The following TAFA5 variants were observed in gnomAD, a reference collection of about 807,000 sequenced individuals.
TAFA5 encodes the protein TAFA chemokine like family member 5.
A neutral mutation model predicts 15.3 loss-of-function variants in TAFA5; 6 were observed. That is an observed-to-expected ratio of 0.39 (90% CI 0.21 to 0.77). The LOEUF (loss-of-function observed/expected upper bound fraction) is 0.77. TAFA5 is among the 30% of genes least tolerant of loss of function. The pLI, the probability that TAFA5 is intolerant of heterozygous loss-of-function variation, is 0.41. For missense variants in TAFA5, 161 were observed against 193.1 expected (o/e 0.83, Z 0.98); for synonymous variants, 103 against 80.7 (o/e 1.28, Z -1.48).
chr22:48,603,074 C>T (rs1305572991), intron 1 of TAFA5, among the ~76,000 whole-genome samples: 1 of 152,196 alleles, frequency 6.6e-6, no homozygotes, highest in African/African-American at 2.4e-5. Flanking sequence ...GAGAAAGCTA[C>T]ACAGCCATCA....
intron 2 of TAFA5, 107 bp downstream of exon 2, chr22:48,646,853 C>T (rs1026273876): frequency 6.0e-5 from 82 of 1,361,216 alleles, no homozygotes; most frequent in Non-Finnish European, 7.5e-5. Context: ...TAGGCCTCAG[C>T]GCATCCTCGG....
intron 1 of TAFA5, among the ~76,000 whole-genome samples, chr22:48,580,656 G>A (rs1411786484): frequency 2.0e-5 from 3 of 152,202 alleles, no homozygotes; most frequent in Non-Finnish European, 2.9e-5. Context: ...CTCACTGCAC[G>A]CGGTGTGTGT....
At chr22:48,570,372 T>C (rs1320974808) in intron 1 of TAFA5, among the ~76,000 whole-genome samples, 1 of 152,232 alleles carries the variant, frequency 6.6e-6, no homozygotes, top group Admixed American at 6.5e-5. Flanking sequence ...TCGCAGAATA[T>C]ACATGACGCA....
chr22:48,623,713 G>C (rs1316192679), intron 1 of TAFA5, among the ~76,000 whole-genome samples: 1 of 152,244 alleles, frequency 6.6e-6, no homozygotes, highest in African/African-American at 2.4e-5. Flanking sequence ...ACGGCGGCCC[G>C]AGGCCTCTGC....
chr22:48,688,201 G>A (rs149918274), intron 2 of TAFA5, among the ~76,000 whole-genome samples: 37 of 152,048 alleles, frequency 2.4e-4, no homozygotes, highest in East Asian at 7.7e-4. Context: ...ATTCTTGAGC[G>A]TGATGGGGAC....
intron 1 of TAFA5, among the ~76,000 whole-genome samples, chr22:48,499,056 C>T (rs1314277392): frequency 6.6e-6 from 1 of 152,200 alleles, no homozygotes; most frequent in African/African-American, 2.4e-5. Flanking sequence ...AGGCTCAGTG[C>T]AGCCCCTCCC....
At chr22:48,506,312 T>G (rs757388871) in intron 1 of TAFA5, among the ~76,000 whole-genome samples, 6 of 152,200 alleles carry the variant, frequency 3.9e-5, no homozygotes, top group Non-Finnish European at 7.3e-5. Flanking sequence ...GCCGGGAACA[T>G]GGGGTCCAGA....
At chr22:48,491,035 T>C (rs1279564501) in intron 1 of TAFA5, among the ~76,000 whole-genome samples, 1 of 152,142 alleles carries the variant, frequency 6.6e-6, no homozygotes, top group Non-Finnish European at 1.5e-5. Context: ...GTTATGCATT[T>C]CCCTAGAAAT....
chr22:48,553,551 A>G (rs1446320397), intron 1 of TAFA5, among the ~76,000 whole-genome samples: 2 of 152,098 alleles, frequency 1.3e-5, no homozygotes, highest in African/African-American at 2.4e-5. Flanking sequence ...CGTCCCAGGG[A>G]TGAGTCCTGG....
chr22:48,750,616 A>C lies in TAFA5; in HGVS notation c.*769A>C, dbSNP rs889099223. 1.3e-5 allele frequency: 2 copies of C among 152,726 alleles called. No individual in the cohort carries two copies. The highest frequency in any genetic ancestry group is 4.8e-5 in the African/African-American group (2 of 41,464). The allele number at this position is 152,726 out of a possible 1,614,324, so 9.5% of individuals were successfully genotyped here. A position where few individuals can be genotyped will look rare whatever the true frequency, so the allele number is the denominator to read the frequency against. On this transcript the variant is annotated 3_prime_UTR_variant, in exon 4 of 4. Transcript: ENST00000402357. The stretch of plus-strand genomic sequence containing the variant: ...TCTGTACTTAGATCAACTTGACCGT[A>C]CTAAAATCCCTTTCTGTTTTAACCA...
chr22:48,698,587 T>G (rs184764030), intron 2 of TAFA5, among the ~76,000 whole-genome samples: 121 of 86,858 alleles, frequency 1.4e-3, no homozygotes, highest in African/African-American at 6.6e-3. Flanking sequence ...CTGACCTGAG[T>G]GGGGCACATT....
chr22:48,603,377 C>T (rs1031734118), intron 1 of TAFA5, among the ~76,000 whole-genome samples: 21 of 152,390 alleles, frequency 1.4e-4, no homozygotes, highest in African/African-American at 4.8e-4. Context: ...GGCCACGGCA[C>T]CACCACGCTG....
chr22:48,578,124 C>A (rs929893436), intron 1 of TAFA5, among the ~76,000 whole-genome samples: 1 of 152,232 alleles, frequency 6.6e-6, no homozygotes, highest in African/African-American at 2.4e-5. Flanking sequence ...GCCTCTCTGG[C>A]TGATCTCGAA....
rs111771312 is a variant in TAFA5, at chr22:48,735,911, T to C, written c.391-13928T>C. ...AGAATCACACTCCTAGAGTCCAGAG[T>C]CCATCCCCCCAGGAGGAATGAGAAT... On this transcript the variant is annotated intron_variant, in intron 3 of 3. Coordinates refer to ENST00000402357, the MANE Select transcript of TAFA5 (RefSeq NM_001082967.3). Among the ~76,000 whole-genome samples, 222 of 121,662 alleles carry C rather than the reference T, an allele frequency of 1.8e-3. 4 individuals are homozygous for C. Among genetic ancestry groups the C allele is most frequent in the South Asian group, 2.2e-3 (8 of 3,636 alleles). 79.8% of individuals were successfully genotyped at this position (121,662 alleles called of 152,430 possible).
chr22:48,649,401 G>C (rs1036885912), intron 2 of TAFA5, among the ~76,000 whole-genome samples: 7 of 152,236 alleles, frequency 4.6e-5, no homozygotes, highest in African/African-American at 1.7e-4. Context: ...GAGCTTGCTG[G>C]AGTGGGCTGG....
chr22:48,702,499 G>C (rs921065538), intron 2 of TAFA5, among the ~76,000 whole-genome samples: 1 of 152,138 alleles, frequency 6.6e-6, no homozygotes. Flanking sequence ...GCTCCTACCG[G>C]CCCGGGGACA....
In TAFA5 at chr22:48,578,099, C is replaced by T. The variant is rs141691626; in HGVS notation, c.113-68498C>T. Among the ~76,000 whole-genome samples the T allele has an allele frequency of 5.1e-3, 774 of 152,336 alleles. 8 individuals are homozygous for T. The highest frequency in any genetic ancestry group is 0.018 in the African/African-American group (746 of 41,586). The stretch of plus-strand genomic sequence containing the variant: ...GCTCTGCTGGGCCTGTTTGTGTTCG[C>T]GCTGCAAGTTCTCTGCCTCTCTGGC... On this transcript the variant is annotated intron_variant, in intron 1 of 3. Transcript: ENST00000402357.
intron 1 of TAFA5, among the ~76,000 whole-genome samples, chr22:48,584,975 TCA>T (rs918685530): frequency 9.1e-6 from 1 of 110,256 alleles, no homozygotes; most frequent in African/African-American, 3.8e-5. Context: ...AGAAAATACA[TCA>T]CACACATTCA....
At chr22:48,542,767 A>T (rs762320612) in intron 1 of TAFA5, among the ~76,000 whole-genome samples, 3 of 111,730 alleles carry the variant, frequency 2.7e-5, no homozygotes, top group Non-Finnish European at 5.3e-5. Context: ...TGTGGGGTGT[A>T]TGATGTGTGG....
Sources: gnomAD v4.1 joint callset for allele counts (sites outside exome capture counted in the v4.1 genomes callset) on GRCh38, gnomAD v4.1.1 for gene constraint, MANE v1.5 for transcripts, NCBI Gene and HGNC (gene_info 2026-07-23, HGNC 2026-07-21) for gene names.